The following TMEM132D variants were observed in gnomAD, a reference collection of about 807,000 sequenced individuals.
TMEM132D encodes the protein mature OL transmembrane protein.
Under a neutral mutation model 62.3 loss-of-function variants are expected in TMEM132D, and 21 were observed. The ratio of observed to expected loss-of-function variants is 0.34; its 90% CI spans 0.24 to 0.49. The LOEUF is 0.49. Ranked by LOEUF, TMEM132D falls within the 20% of genes least tolerant of loss-of-function variation. The pLI, the probability that TMEM132D is intolerant of heterozygous loss-of-function variation, is 0.99. For synonymous variants in TMEM132D, 621 were observed against 575.6 expected, an observed-to-expected ratio of 1.08 and a Z score of -1.13; for missense variants, 1,346 against 1,402.8, an observed-to-expected ratio of 0.96 and a Z score of 0.65.
At chr12:129,704,752 A>G (rs1050966943) in intron 1 of TMEM132D, among the ~76,000 whole-genome samples, 5 of 152,246 alleles carry the variant, frequency 3.3e-5, no homozygotes, top group African/African-American at 4.8e-5. Context: ...TAAATAAACA[A>G]AAACAGAAGG....
intron 2 of TMEM132D, among the ~76,000 whole-genome samples, chr12:129,674,358 T>G (rs988667782): frequency 6.6e-6 from 1 of 152,162 alleles, no homozygotes; most frequent in African/African-American, 2.4e-5. Context: ...TTCACTTAGG[T>G]AGAGAATGTC....
At chr12:129,525,094 T>G (rs1013538795) in intron 3 of TMEM132D, among the ~76,000 whole-genome samples, 3 of 149,642 alleles carry the variant, frequency 2.0e-5, no homozygotes, top group Admixed American at 6.7e-5. Flanking sequence ...CTCAGCTAAT[T>G]TATTTGTATT....
At chr12:129,604,024 G>A (rs1878551058) in intron 2 of TMEM132D, among the ~76,000 whole-genome samples, 1 of 152,170 alleles carries the variant, frequency 6.6e-6, no homozygotes, top group Non-Finnish European at 1.5e-5. Context: ...CAGGGACATG[G>A]ATGAAGCTGG....
intron 3 of TMEM132D, among the ~76,000 whole-genome samples, chr12:129,443,181 C>T (rs921923318): frequency 9.9e-5 from 15 of 152,178 alleles, no homozygotes; most frequent in Non-Finnish European, 1.6e-4. Flanking sequence ...CAAGTTGCTT[C>T]CAAGGGTAAA....
intron 3 of TMEM132D, among the ~76,000 whole-genome samples, chr12:129,504,443 G>T (rs1458065909): frequency 6.6e-6 from 1 of 152,050 alleles, no homozygotes; most frequent in African/African-American, 2.4e-5. Context: ...TCTGTGCAGG[G>T]TATCTCATTC....
At chr12:129,301,801 C>T (rs75561276) in intron 4 of TMEM132D, among the ~76,000 whole-genome samples, 4,435 of 152,170 alleles carry the variant, frequency 0.029, 192 homozygotes, top group African/African-American at 0.098. Context: ...TTAAATGAAA[C>T]GCCCAACACC....
chr12:129,439,976 G>A (rs945120212), intron 3 of TMEM132D, among the ~76,000 whole-genome samples: 2 of 152,120 alleles, frequency 1.3e-5, no homozygotes, highest in East Asian at 1.9e-4. Flanking sequence ...TGTTCCCCAA[G>A]ACAAACATGT....
chr12:129,506,920 C>T (rs1014056250), intron 3 of TMEM132D, among the ~76,000 whole-genome samples: 1 of 152,064 alleles, frequency 6.6e-6, no homozygotes, highest in African/African-American at 2.4e-5. Flanking sequence ...AGTAAACAGA[C>T]AACCCAGAGT....
At chr12:129,221,737 C>T (rs4760023) in intron 4 of TMEM132D, among the ~76,000 whole-genome samples, 47,996 of 152,044 alleles carry the variant, frequency 0.32, 7,941 homozygotes, top group Middle Eastern at 0.43. Flanking sequence ...AGTAGAATAA[C>T]AACCAATCAC....
intron 1 of TMEM132D, among the ~76,000 whole-genome samples, chr12:129,756,490 G>A (rs987111679): frequency 6.6e-6 from 1 of 152,156 alleles, no homozygotes; most frequent in Admixed American, 6.5e-5. Flanking sequence ...TATGCAGACA[G>A]AAAGTAGCAT....
chr12:129,166,776 CATATATATATATATATAT>C (rs59414458), intron 5 of TMEM132D, among the ~76,000 whole-genome samples: 5,282 of 95,460 alleles, frequency 0.055, 201 homozygotes, highest in East Asian at 0.16. Flanking sequence ...TATATATATA[CATATATATATATATATAT>C]ATATATATAT....
intron 3 of TMEM132D, among the ~76,000 whole-genome samples, chr12:129,345,227 A>T (rs1056463384): frequency 6.6e-6 from 1 of 152,174 alleles, no homozygotes; most frequent in African/African-American, 2.4e-5. Context: ...TTATTTGGAT[A>T]ATGTGAATAA....
At chr12:129,511,755 A>C (rs1380033515) in intron 3 of TMEM132D, among the ~76,000 whole-genome samples, 3 of 152,214 alleles carry the variant, frequency 2.0e-5, no homozygotes, top group Non-Finnish European at 2.9e-5. Context: ...CTGGGCTGCA[A>C]AATCAGTTTT....
At position 129,073,941 on chromosome 12, in the gene TMEM132D, C is replaced by G. The variant is rs1874158815; in HGVS notation, c.3234G>C (p.Gln1078His). 4 of 1,605,294 alleles carry G rather than the reference C, an allele frequency of 2.5e-6. No individual in the cohort carries two copies. Among genetic ancestry groups the G allele is most frequent in the Non-Finnish European group, 3.4e-6 (4 of 1,175,400 alleles). Residue 1078 changes from glutamine (Q) to histidine (H), a missense_variant, in exon 9 of 9, where the codon CAG (glutamine) becomes CAC (histidine). Gln to His is a conservative substitution (Grantham distance 24, BLOSUM62 0). Coordinates refer to ENST00000422113, the MANE Select transcript of TMEM132D (RefSeq NM_133448.3). ...SSEDDIKWVCQDLDPGDCKEL... is the reference protein window; with the variant it reads ...SSEDDIKWVCHDLDPGDCKEL... ...CTTTGCAGTCCCCAGGGTCCAGATC[C>G]TGGCAGACCCACTTAATGTCATCCT...
Position 129,299,628 on chromosome 12 carries a change from G to GTTTT in TMEM132D, c.1299+38002_1299+38005dup, listed in dbSNP as rs11394064. Among the ~76,000 whole-genome samples the GTTTT allele has an allele frequency of 2.2e-3, 303 of 136,978 alleles. 2 individuals are homozygous for GTTTT. The highest frequency in any genetic ancestry group is 7.3e-3 in the African/African-American group (271 of 36,914). 89.9% of individuals were successfully genotyped at this position (136,978 alleles called of 152,430 possible). A position where few individuals can be genotyped will look rare whatever the true frequency, so the allele number is the denominator to read the frequency against. On this transcript the variant is annotated intron_variant, in intron 4 of 8. Transcript: ENST00000422113. ...CAAACTGGACACATTGAACAATCAGGTTTTTTTTTTTTTTTTTAGCTCTTG... is the reference window on the plus strand; with the variant it reads ...CAAACTGGACACATTGAACAATCAGGTTTTTTTTTTTTTTTTTTTTTAGCTCTTG...
chr12:129,085,029 G>T (rs1874573232), intron 5 of TMEM132D: 2 of 463,584 alleles, frequency 4.3e-6, no homozygotes, highest in Non-Finnish European at 7.5e-6. Context: ...TAGGTGAGTG[G>T]AGCTGTGTCC....
At chr12:129,342,069 T>A (rs553517152) in intron 3 of TMEM132D, among the ~76,000 whole-genome samples, 6 of 152,212 alleles carry the variant, frequency 3.9e-5, no homozygotes, top group Admixed American at 2.0e-4. Flanking sequence ...GAATTGGAAA[T>A]AACTACTTTA....
At chr12:129,669,194 A>C (rs567633111) in intron 2 of TMEM132D, among the ~76,000 whole-genome samples, 28 of 152,362 alleles carry the variant, frequency 1.8e-4, no homozygotes, top group Non-Finnish European at 1.0e-4. Flanking sequence ...AAGTACAGTA[A>C]AGCTAAAGTT....
chr12:129,310,029 A>G, intron 4 of TMEM132D, among the ~76,000 whole-genome samples: 1 of 152,266 alleles, frequency 6.6e-6, no homozygotes, highest in East Asian at 1.9e-4. Context: ...AAAGTGCTAC[A>G]GCCAGAAAAT....
Sources: gnomAD v4.1 joint callset for allele counts (sites outside exome capture counted in the v4.1 genomes callset) on GRCh38, gnomAD v4.1.1 for gene constraint, MANE v1.5 for transcripts, NCBI Gene and HGNC (gene_info 2026-07-23, HGNC 2026-07-21) for gene names.